The following RP2 variants were observed in gnomAD, a reference collection of about 807,000 sequenced individuals.
RP2 encodes the protein protein XRP2.
A neutral mutation model predicts 20.3 loss-of-function variants in RP2; 3 were observed. The ratio of observed to expected loss-of-function variants is 0.15; its 90% CI spans 0.07 to 0.38. The LOEUF (loss-of-function observed/expected upper bound fraction) is 0.38, where lower values mean the gene tolerates loss of function less well. Among genes scored for constraint, RP2 ranks in the 10% least tolerant of loss-of-function variants. The pLI is 1.00. For missense variants in RP2, 233 were observed against 268.5 expected (o/e 0.87, Z 0.92); for synonymous variants, 75 against 94.8 (o/e 0.79, Z 1.22).
intron 1 of RP2, among the ~76,000 whole-genome samples, chrX:46,838,259 A>G (rs1434243399): frequency 8.9e-6 from 1 of 112,380 alleles, no homozygotes; most frequent in African/African-American, 3.2e-5. Context: ...TAAGAGTCAG[A>G]GTTAGGAAAT....
At chrX:46,847,494 G>A (rs1378130402) in intron 1 of RP2, among the ~76,000 whole-genome samples, 2 of 105,918 alleles carry the variant, frequency 1.9e-5, no homozygotes, top group South Asian at 4.3e-4. Context: ...ACAGTGGCGC[G>A]ATCTCGGTTC....
At chrX:46,864,415 C>T (rs1183621651) in intron 3 of RP2, among the ~76,000 whole-genome samples, 2 of 102,602 alleles carry the variant, frequency 1.9e-5, no homozygotes, top group East Asian at 3.0e-4. Context: ...GCTGCAATCT[C>T]GGCTCACTGC....
intron 3 of RP2, among the ~76,000 whole-genome samples, chrX:46,865,916 ACT>A (rs1458781116): frequency 9.5e-6 from 1 of 105,476 alleles, no homozygotes; most frequent in African/African-American, 3.5e-5. Context: ...ACAGAGTGAG[ACT>A]CTGTCTCAAA....
At chrX:46,857,906 C>T (rs181993159) in intron 2 of RP2, among the ~76,000 whole-genome samples, 1 of 112,118 alleles carries the variant, frequency 8.9e-6, no homozygotes, top group Admixed American at 9.5e-5. Context: ...ATTTTACAGT[C>T]ATCTGGCAGT....
intron 3 of RP2, among the ~76,000 whole-genome samples, chrX:46,866,530 AAATAT>A (rs1266174995): frequency 2.0e-4 from 22 of 111,588 alleles, no homozygotes; most frequent in African/African-American, 6.5e-4. Context: ...ACCCTAGTAT[AAATAT>A]AATATATTTT....
chrX:46,870,685 C>G (rs1925275037), intron 3 of RP2, among the ~76,000 whole-genome samples: 1 of 112,209 alleles, frequency 8.9e-6, no homozygotes, highest in South Asian at 3.7e-4. Context: ...TCACCTTGTT[C>G]AGCCTCAGCT....
intron 2 of RP2, among the ~76,000 whole-genome samples, chrX:46,857,538 G>A (rs782711221): frequency 1.8e-5 from 2 of 112,044 alleles, no homozygotes; most frequent in Non-Finnish European, 3.8e-5. Flanking sequence ...CAGCCTGGGC[G>A]AGAGGGCAAG....
Position 46,853,609 on chromosome X carries a change from C to G in RP2, c.236C>G (p.Ala79Gly). 1 of 1,211,235 alleles carries G rather than the reference C, an allele frequency of 8.3e-7. No homozygotes were observed. The highest frequency in any genetic ancestry group is 1.7e-5 in the African/African-American group (1 of 57,777). Residue 79 changes from alanine (A) to glycine (G), a missense_variant, in exon 2 of 5, where the codon GCT becomes GGT. Ala to Gly is a moderately conservative substitution (Grantham distance 60). Coordinates refer to ENST00000218340, the MANE Select transcript of RP2 (RefSeq NM_006915.3). ...AACATCTATATTTTTGATCACTCTG[C>G]TACAGTTACCATTGATGACTGTACT... is the stretch of plus-strand genomic sequence containing the variant. ...NCNIYIFDHS[A>G]TVTIDDCTNC...
intron 3 of RP2, among the ~76,000 whole-genome samples, chrX:46,862,043 G>A (rs1447499188): frequency 3.6e-5 from 4 of 111,933 alleles, no homozygotes; most frequent in African/African-American, 1.3e-4. Flanking sequence ...AAGATTATCA[G>A]TGGGTGCTAA....
chrX:46,841,245 TCTG>T (rs1228607946), intron 1 of RP2, among the ~76,000 whole-genome samples: 5 of 111,833 alleles, frequency 4.5e-5, no homozygotes, highest in African/African-American at 1.6e-4. Context: ...AGGGTGGTAA[TCTG>T]CTAGAAAGAA....
intron 3 of RP2, among the ~76,000 whole-genome samples, chrX:46,870,744 C>T (rs1334124687): frequency 9.0e-6 from 1 of 111,703 alleles, no homozygotes; most frequent in Non-Finnish European, 1.9e-5. Flanking sequence ...TGTGCATGTC[C>T]ACAAATAACC....
chrX:46,865,739 C>A (rs1925159186), intron 3 of RP2, among the ~76,000 whole-genome samples: 1 of 111,373 alleles, frequency 9.0e-6, no homozygotes, highest in Non-Finnish European at 1.9e-5. Flanking sequence ...ACCATCCTGG[C>A]CAACATGGTG....
chrX:46,856,658 T>TA (rs782034565), intron 2 of RP2, among the ~76,000 whole-genome samples: 1 of 111,598 alleles, frequency 9.0e-6, no homozygotes. Context: ...CCTTAACCCT[T>TA]AAACATGATG....
intron 3 of RP2, among the ~76,000 whole-genome samples, chrX:46,869,315 T>A (rs1314563932): frequency 2.9e-5 from 3 of 103,375 alleles, no homozygotes; most frequent in Non-Finnish European, 5.8e-5. Context: ...TTTTTTTTTT[T>A]AAGACGGAGT....
chrX:46,863,807 CTTAT>C (rs1181758307), intron 3 of RP2, among the ~76,000 whole-genome samples: 1 of 111,619 alleles, frequency 9.0e-6, no homozygotes, highest in Non-Finnish European at 1.9e-5. Flanking sequence ...TAAGGGTGGT[CTTAT>C]TTATTTATTT....
At chrX:46,839,987 C>A (rs1924587225) in intron 1 of RP2, among the ~76,000 whole-genome samples, 1 of 110,925 alleles carries the variant, frequency 9.0e-6, no homozygotes, top group African/African-American at 3.3e-5. Context: ...TTGATGTTTT[C>A]TTTTTGAGAT....
chrX:46,837,046 C>A lies in RP2; in HGVS notation c.-55C>A, dbSNP rs931780991. ...CGGGGTTCCCAGGGTTCACGCCACA[C>A]TCTAGGAAGTGCCTGAGCTAGTGAG... On this transcript the variant is annotated 5_prime_UTR_variant, in exon 1 of 5. Coordinates refer to ENST00000218340, the MANE Select transcript of RP2 (RefSeq NM_006915.3). 6 of 1,119,692 alleles carry A rather than the reference C, an allele frequency of 5.4e-6. No homozygotes were observed. The highest frequency in any genetic ancestry group is 7.2e-6 in the Non-Finnish European group (6 of 829,147). The allele number at this position is 1,119,692 out of a possible 1,213,427, so 92.3% of individuals were successfully genotyped here.
At chrX:46,845,483 G>A (rs1173929010) in intron 1 of RP2, among the ~76,000 whole-genome samples, 1 of 111,619 alleles carries the variant, frequency 9.0e-6, no homozygotes, top group Non-Finnish European at 1.9e-5. Flanking sequence ...CCCTTGTTAA[G>A]TGTACGGTTC....
chrX:46,867,142 C>T (rs1925186812), intron 3 of RP2, among the ~76,000 whole-genome samples: 1 of 110,655 alleles, frequency 9.0e-6, no homozygotes, highest in Non-Finnish European at 1.9e-5. Flanking sequence ...GCTCTGTTGC[C>T]CAGGCTGGAG....
Sources: gnomAD v4.1 joint callset for allele counts (sites outside exome capture counted in the v4.1 genomes callset) on GRCh38, gnomAD v4.1.1 for gene constraint, MANE v1.5 for transcripts, NCBI Gene and HGNC (gene_info 2026-07-23, HGNC 2026-07-21) for gene names.